COL27A1: variants seen among roughly 807,000 people sequenced by gnomAD.
COL27A1 encodes the protein collagen alpha-1(XXVII) chain.
COL27A1 carries 106 observed loss-of-function variants against 251.3 expected under a neutral mutation model. That is an observed-to-expected ratio of 0.42 (90% CI 0.36 to 0.50). The LOEUF is 0.50. COL27A1 is among the 20% of genes least tolerant of loss of function. COL27A1 has a pLI of 0.00. For missense variants in COL27A1, 2,325 were observed against 2,522.8 expected (o/e 0.92, Z 1.68); for synonymous variants, 1,000 against 986.3 (o/e 1.01, Z -0.26).
At chr9:114,163,522 G>A (rs569106956) in intron 2 of COL27A1, among the ~76,000 whole-genome samples, 6 of 152,326 alleles carry the variant, frequency 3.9e-5, no homozygotes, top group South Asian at 2.1e-4. Context: ...CCAGGGGGCC[G>A]GGGCAGCGAT....
chr9:114,235,781 C>CTTA (rs1832352098), intron 17 of COL27A1, 129 bp downstream of exon 17: 2 of 729,472 alleles, frequency 2.7e-6, no homozygotes, highest in Non-Finnish European at 5.0e-6. Flanking sequence ...TCGAAATAAT[C>CTTA]CAGTCTTCTC....
At chr9:114,171,276 C>T (rs1849303494) in intron 3 of COL27A1, among the ~76,000 whole-genome samples, 1 of 152,094 alleles carries the variant, frequency 6.6e-6, no homozygotes. Context: ...CCCAAGGCCA[C>T]GCAGCACGGA....
At position 114,212,199 on chromosome 9, in the gene COL27A1, C is replaced by A. The variant is rs547402409; in HGVS notation, c.2367+1173C>A. 6.6e-5 allele frequency among the ~76,000 whole-genome samples: 10 copies of A among 152,364 alleles called. No homozygotes were observed. The South Asian group carries it at 2.1e-3, about 32-fold the overall frequency. ...GTCTTCTCTAAGGTCCAACACCTGA[C>A]ACCTAGACCTGGGCAAGGAGCAGCA... On this transcript the variant is annotated intron_variant, in intron 12 of 60. Coordinates refer to ENST00000356083, the MANE Select transcript of COL27A1 (RefSeq NM_032888.4).
chr9:114,289,166 C>A, intron 44 of COL27A1, 76 bp from the exon 45 acceptor site: 6 of 1,434,940 alleles, frequency 4.2e-6, no homozygotes, highest in Non-Finnish European at 5.7e-6. Flanking sequence ...ACCCCTCCCC[C>A]TCCAGGCGGA....
chr9:114,216,059 C>A (rs1261791201), intron 12 of COL27A1, among the ~76,000 whole-genome samples: 4 of 152,230 alleles, frequency 2.6e-5, no homozygotes, highest in African/African-American at 9.6e-5. Flanking sequence ...TTCTCCTTGG[C>A]ATCCTGCTTT....
chr9:114,293,965 G>A (rs928328497), intron 49 of COL27A1, among the ~76,000 whole-genome samples: 41 of 152,024 alleles, frequency 2.7e-4, no homozygotes, highest in Non-Finnish European at 2.9e-4. Flanking sequence ...ACGGCTGGGC[G>A]CGGTGGCTTA....
chr9:114,230,626 A>G (rs1831878963), intron 14 of COL27A1, among the ~76,000 whole-genome samples: 1 of 152,116 alleles, frequency 6.6e-6, no homozygotes, highest in Non-Finnish European at 1.5e-5. Context: ...CTCCTCAGAG[A>G]GAGCCAAGCC....
intron 42 of COL27A1, 52 bp downstream of exon 42, chr9:114,288,563 C>A: frequency 6.4e-7 from 1 of 1,562,618 alleles, no homozygotes; most frequent in Non-Finnish European, 8.7e-7. Flanking sequence ...GGAATCTGAG[C>A]CTCCCGCTGC....
intron 39 of COL27A1, among the ~76,000 whole-genome samples, chr9:114,282,972 A>G (rs1472458083): frequency 6.6e-6 from 1 of 152,202 alleles, no homozygotes; most frequent in Non-Finnish European, 1.5e-5. Context: ...AGGTCCCTGG[A>G]TGACTCTGAG....
At chr9:114,291,148 T>C (rs748915924) in intron 48 of COL27A1, among the ~76,000 whole-genome samples, 7 of 152,136 alleles carry the variant, frequency 4.6e-5, no homozygotes, top group Non-Finnish European at 1.0e-4. Context: ...CCTTGAAACC[T>C]TCAACTGGTT....
At chr9:114,162,837 C>T in intron 2 of COL27A1, 52 bp downstream of exon 2, 3 of 1,359,778 alleles carry the variant, frequency 2.2e-6, no homozygotes, top group Non-Finnish European at 3.1e-6. Context: ...ACGGAAGGGG[C>T]CTGAGAACTC....
At chr9:114,286,967 C>T (rs181007418) in intron 41 of COL27A1, among the ~76,000 whole-genome samples, 8 of 152,238 alleles carry the variant, frequency 5.3e-5, no homozygotes, top group Admixed American at 2.0e-4. Context: ...ACATGGAACA[C>T]GCTAGGTAGA....
chr9:114,200,736 A>G (rs1408816539), intron 7 of COL27A1, among the ~76,000 whole-genome samples: 2 of 152,150 alleles, frequency 1.3e-5, no homozygotes, highest in South Asian at 4.1e-4. Context: ...GCATCACATA[A>G]TAAGACCCTC....
At chr9:114,250,279 T>A (rs1372639356) in intron 24 of COL27A1, among the ~76,000 whole-genome samples, 1 of 152,200 alleles carries the variant, frequency 6.6e-6, no homozygotes, top group Non-Finnish European at 1.5e-5. Flanking sequence ...GATGGCCTCT[T>A]CCCAGCTCAG....
chr9:114,288,873 G>A lies in COL27A1; in HGVS notation c.4099-41G>A, dbSNP rs1306311772. On this transcript the variant is annotated intron_variant, in intron 43 of 60. Transcript: ENST00000356083. ...CTTCTGTGCTGCCTCCCAGCCCTCT[G>A]CAGGATGGGCCCCCCTCACCTGTCT... 4 of 1,612,554 alleles carry A rather than the reference G, an allele frequency of 2.5e-6. No individual in the cohort carries two copies. The East Asian group carries it at 6.7e-5, about 27-fold the overall frequency.
intron 13 of COL27A1, among the ~76,000 whole-genome samples, chr9:114,221,857 A>C (rs762172444): frequency 3.9e-5 from 6 of 152,216 alleles, no homozygotes; most frequent in Non-Finnish European, 7.3e-5. Context: ...CCTTGGGTGA[A>C]TCACTTAACC....
chr9:114,158,720 T>C (rs1356594485), intron 1 of COL27A1, among the ~76,000 whole-genome samples: 2 of 152,208 alleles, frequency 1.3e-5, no homozygotes, highest in Non-Finnish European at 2.9e-5. Context: ...GGCCTCCCTC[T>C]GAGAGCCAAC....
chr9:114,163,954 T>C lies in COL27A1; in HGVS notation c.133+1169T>C, dbSNP rs780172716. 8.5e-5 allele frequency among the ~76,000 whole-genome samples: 13 copies of C among 152,154 alleles called. No individual in the cohort carries two copies. In the East Asian group the frequency reaches 2.3e-3, roughly 27 times the overall value. On this transcript the variant is annotated intron_variant, in intron 2 of 60. Coordinates refer to ENST00000356083, the MANE Select transcript of COL27A1 (RefSeq NM_032888.4). ...CTGGCAGGCTCCTTCTATCTTGGCG[T>C]TGGGCTGAATTCATTCCCCTGTCCC...
intron 24 of COL27A1, among the ~76,000 whole-genome samples, chr9:114,250,282 C>T (rs756414688): frequency 1.3e-5 from 2 of 152,240 alleles, no homozygotes; most frequent in Non-Finnish European, 2.9e-5. Flanking sequence ...GGCCTCTTCC[C>T]AGCTCAGCTT....
Sources: gnomAD v4.1 joint callset for allele counts (sites outside exome capture counted in the v4.1 genomes callset) on GRCh38, gnomAD v4.1.1 for gene constraint, MANE v1.5 for transcripts, NCBI Gene and HGNC (gene_info 2026-07-23, HGNC 2026-07-21) for gene names.